NCAPD3: variants seen among roughly 807,000 people sequenced by gnomAD.
The protein encoded by NCAPD3 is non-SMC condensin II complex subunit D3.
A neutral mutation model predicts 182.9 loss-of-function variants in NCAPD3; 105 were observed. The observed-to-expected ratio is 0.57, with a 90% CI of 0.49 to 0.68. The LOEUF is 0.68. NCAPD3 is among the 30% of genes least tolerant of loss of function. The pLI is 0.00. For synonymous variants in NCAPD3, 815 were observed against 679.9 expected (o/e 1.20, Z -3.09); for missense variants, 1,944 against 1,837.0 (o/e 1.06, Z -1.07).
chr11:134,213,583 G>A (rs1355086777), intron 3 of NCAPD3, among the ~76,000 whole-genome samples: 1 of 151,304 alleles, frequency 6.6e-6, no homozygotes, highest in East Asian at 1.9e-4. Context: ...CTCCCAAAGT[G>A]CTGGGACTAC....
At chr11:134,153,437 G>A in intron 32 of NCAPD3, 74 bp from the exon 33 acceptor site, 3 of 1,472,674 alleles carry the variant, frequency 2.0e-6, no homozygotes, top group Non-Finnish European at 2.9e-6. Context: ...TTGTCCGTGG[G>A]ACGTAGGCAG....
At chr11:134,197,378 G>A (rs1944655053) in intron 13 of NCAPD3, among the ~76,000 whole-genome samples, 1 of 146,822 alleles carries the variant, frequency 6.8e-6, no homozygotes, top group Admixed American at 7.0e-5. Context: ...CCAGGTTCAA[G>A]TGATTCTCCT....
chr11:134,205,510 G>GCTGGGATTACAGGTGCCCGCCAC (rs1937595378), intron 8 of NCAPD3, among the ~76,000 whole-genome samples: 1 of 151,828 alleles, frequency 6.6e-6, no homozygotes, highest in African/African-American at 2.4e-5. Flanking sequence ...CTCCCGAGTA[G>GCTGGGATTACAGGTGCCCGCCAC]CTGGGATTAC....
chr11:134,156,700 GAC>G (rs1362701522), intron 32 of NCAPD3, among the ~76,000 whole-genome samples: 1 of 152,186 alleles, frequency 6.6e-6, no homozygotes, highest in Non-Finnish European at 1.5e-5. Context: ...ACAGCCCAGA[GAC>G]ACGGAGGGCC....
At chr11:134,215,906 AC>A (rs1348607875) in intron 3 of NCAPD3, among the ~76,000 whole-genome samples, 1 of 152,204 alleles carries the variant, frequency 6.6e-6, no homozygotes, top group African/African-American at 2.4e-5. Flanking sequence ...CCAATCATAA[AC>A]CCGAAACATT....
At position 134,170,871 on chromosome 11, in the gene NCAPD3, T is replaced by C. The variant is rs1232301588; in HGVS notation, c.3102-1817A>G. On this transcript the variant is annotated intron_variant, in intron 24 of 34. Transcript: ENST00000534548. ...GCCAATGTGTGATATCCACAACTCA[T>C]CTTGGCTGCTGTATTCACTGGGACT... Among the ~76,000 whole-genome samples, 4 of 152,338 alleles carry C rather than the reference T, an allele frequency of 2.6e-5. No homozygotes were observed. In the South Asian group the frequency reaches 8.3e-4, roughly 32 times the overall value.
rs977674764 is a variant in NCAPD3, at chr11:134,151,666, G to A, written c.*1278C>T. 3.3e-5 allele frequency: 5 copies of A among 152,176 alleles called. No homozygotes were observed. The highest frequency in any genetic ancestry group is 9.7e-5 in the African/African-American group (4 of 41,424). 9.4% of individuals were successfully genotyped at this position (152,176 alleles called of 1,614,324 possible). ...GTGATTCTGCCTTTGGATGGATGTT[G>A]CTGTACACAGATGCTACAGACTTGT... On this transcript the variant is annotated 3_prime_UTR_variant, in exon 35 of 35. Transcript: ENST00000534548.
At chr11:134,199,608 G>A (rs1274008678) in intron 13 of NCAPD3, among the ~76,000 whole-genome samples, 1 of 152,172 alleles carries the variant, frequency 6.6e-6, no homozygotes, top group African/African-American at 2.4e-5. Flanking sequence ...CCCATCAAAA[G>A]GGGACAACAG....
intron 4 of NCAPD3, 22 bp downstream of exon 4, chr11:134,210,248 T>C (rs1937780873): frequency 6.3e-7 from 1 of 1,597,140 alleles, no homozygotes; most frequent in African/African-American, 1.4e-5. Context: ...TATATATGTT[T>C]TATACTCAAC....
Position 134,177,389 on chromosome 11 carries a change from C to A in NCAPD3, c.2851G>T (p.Val951Leu), listed in dbSNP as rs752932392. 1.2e-6 allele frequency: 2 copies of A among 1,614,242 alleles called. No homozygotes were observed. Among genetic ancestry groups the A allele is most frequent in the South Asian group, 2.2e-5 (2 of 91,090 alleles). The change falls in exon 23 of 35, where the codon GTG (valine) becomes TTG (leucine). Residue 951 changes from valine to leucine, a missense_variant. Val to Leu is a conservative substitution (Grantham distance 32, BLOSUM62 1). Transcript: ENST00000534548. ...TTGCGGACAGCCACGTCCTCACACACCTCGAGCTCTCGCACCAGGGCTGGG... is the reference window on the plus strand; with the variant it reads ...TTGCGGACAGCCACGTCCTCACACAACTCGAGCTCTCGCACCAGGGCTGGG... ...SIPALVRELEVCEDVAVRNNV... is the reference protein window; with the variant it reads ...SIPALVRELELCEDVAVRNNV...
rs769571863 is a variant in NCAPD3 at position 134,194,097 on chromosome 11, C to T, written c.1743G>A (p.Leu581=). The stretch of plus-strand genomic sequence containing the variant: ...CCCGACACTGGTCCTGCAGAATCCA[C>T]AGGTCTTCCTTCATGCCTGAGACAT... ...HCDVSGMKED[L]WILQDQCRDP... is the part of the protein sequence containing the mutation. The change falls in exon 15 of 35, where the codon CTG becomes CTA. Residue 581 remains leucine, a synonymous_variant. Transcript: ENST00000534548. 1.9e-6 allele frequency: 3 copies of T among 1,614,198 alleles called. No individual in the cohort carries two copies. Among genetic ancestry groups the T allele is most frequent in the Non-Finnish European group, 2.5e-6 (3 of 1,180,000 alleles).
intron 3 of NCAPD3, among the ~76,000 whole-genome samples, chr11:134,211,166 A>G (rs1287267780): frequency 6.6e-6 from 1 of 152,216 alleles, no homozygotes; most frequent in Non-Finnish European, 1.5e-5. Context: ...AGACCTCAGA[A>G]CAAACACACC....
chr11:134,172,849 T>C (rs754471337), intron 24 of NCAPD3, among the ~76,000 whole-genome samples: 1 of 151,950 alleles, frequency 6.6e-6, no homozygotes, highest in Non-Finnish European at 1.5e-5. Context: ...CGTGAGAACC[T>C]AATGCTACAA....
chr11:134,162,437 A>G (rs1481351177), intron 27 of NCAPD3, among the ~76,000 whole-genome samples: 1 of 152,202 alleles, frequency 6.6e-6, no homozygotes, highest in Non-Finnish European at 1.5e-5. Context: ...CCAAGTCTTC[A>G]CACTTTACCT....
intron 28 of NCAPD3, 93 bp from the exon 29 acceptor site, chr11:134,160,167 C>T (rs1004654907): frequency 1.6e-6 from 2 of 1,234,494 alleles, no homozygotes; most frequent in Non-Finnish European, 2.3e-6. Flanking sequence ...GTGTAACAAA[C>T]CTGCACATCC....
chr11:134,206,982 C>A (rs1468669277), intron 7 of NCAPD3, among the ~76,000 whole-genome samples: 1 of 152,114 alleles, frequency 6.6e-6, no homozygotes, highest in Non-Finnish European at 1.5e-5. Flanking sequence ...AGTTTCTCTC[C>A]CCACCCTTTG....
chr11:134,157,870 G>T lies in NCAPD3; in HGVS notation c.4174+58C>A, dbSNP rs1182882065. 5 of 1,527,740 alleles carry T rather than the reference G, an allele frequency of 3.3e-6. No homozygotes were observed. The African/African-American group carries it at 5.5e-5, about 17-fold the overall frequency. The allele number at this position is 1,527,740 out of a possible 1,614,324, so 94.6% of individuals were successfully genotyped here. On this transcript the variant is annotated intron_variant, in intron 31 of 34. Coordinates refer to ENST00000534548, the MANE Select transcript of NCAPD3 (RefSeq NM_015261.3). ...CTTTGAAAGGAATAAGAAGTAGCTT[G>T]TTCTGTGTTTTCATCTGTAAATGCT...
At position 134,152,889 on chromosome 11, in the gene NCAPD3, C is replaced by T. The variant is rs374346243; in HGVS notation, c.*55G>A. ...TCCAGCTGCCTTCACACGGAGGACA[C>T]GAGACTGCTTCCTCAAGGGCTCCTG... On this transcript the variant is annotated 3_prime_UTR_variant, in exon 35 of 35. Coordinates refer to ENST00000534548, the MANE Select transcript of NCAPD3 (RefSeq NM_015261.3). 21 of 1,388,742 alleles carry T rather than the reference C, an allele frequency of 1.5e-5. No homozygotes were observed. The highest frequency in any genetic ancestry group is 4.4e-5 in the African/African-American group (3 of 68,894). The allele number at this position is 1,388,742 out of a possible 1,614,324, so 86.0% of individuals were successfully genotyped here.
At position 134,158,011 on chromosome 11, in the gene NCAPD3, G is replaced by A. The variant is rs753671094; in HGVS notation, c.4091C>T (p.Ser1364Leu). The A allele has an allele frequency of 1.2e-6, 2 of 1,614,176 alleles. No individual in the cohort carries two copies. Among genetic ancestry groups the A allele is most frequent in the Admixed American group, 3.3e-5 (2 of 60,018 alleles). ...ILNSVKKAVESKSRHRSRSLG... is the reference protein window; with the variant it reads ...ILNSVKKAVELKSRHRSRSLG... Reference sequence around the variant, plus strand: ...GCTCCGACTCCGATGCCTGCTCTTTGACTCCACGGCTTTCTTGACAGAATT... The same window carrying A: ...GCTCCGACTCCGATGCCTGCTCTTTAACTCCACGGCTTTCTTGACAGAATT... Residue 1364 changes from serine to leucine, a missense_variant, in exon 31 of 35, where the codon TCA (serine) becomes TTA (leucine). Ser to Leu is a moderately radical substitution (Grantham distance 145, BLOSUM62 -2). Transcript: ENST00000534548.
Sources: gnomAD v4.1 joint callset for allele counts (sites outside exome capture counted in the v4.1 genomes callset) on GRCh38, gnomAD v4.1.1 for gene constraint, MANE v1.5 for transcripts, NCBI Gene and HGNC (gene_info 2026-07-23, HGNC 2026-07-21) for gene names.